LAMA1: variants seen among roughly 807,000 people sequenced by gnomAD.
The protein encoded by LAMA1 is laminin subunit alpha 1.
Under a neutral mutation model 348.7 loss-of-function variants are expected in LAMA1, and 219 were observed. The observed-to-expected ratio is 0.63, with a 90% CI of 0.56 to 0.70. LAMA1 has a LOEUF of 0.70. Ranked by LOEUF, LAMA1 falls within the 30% of genes least tolerant of loss-of-function variation. The pLI, the probability that LAMA1 is intolerant of heterozygous loss-of-function variation, is 0.00. For missense variants in LAMA1, 3,744 were observed against 3,888.0 expected (o/e 0.96, Z 0.99); for synonymous variants, 1,487 against 1,491.0 (o/e 1.00, Z 0.06).
At chr18:7,085,707 C>T (rs11081298) in intron 1 of LAMA1, among the ~76,000 whole-genome samples, 38,845 of 151,928 alleles carry the variant, frequency 0.26, 6,042 homozygotes, top group East Asian at 0.45. Flanking sequence ...CGTGAGCCAC[C>T]GCTCCTGGCC....
rs771189752 is a variant in LAMA1 at position 6,958,753 on chromosome 18, T to C, written c.7779-91A>G. On this transcript the variant is annotated intron_variant, in intron 54 of 62. Coordinates refer to ENST00000389658, the MANE Select transcript of LAMA1 (RefSeq NM_005559.4). ...GTCCATAATTCCCACAAGTTCTCAC[T>C]GAATAATAAAAGTTCCCTAAAGGTT... is the stretch of plus-strand genomic sequence containing the variant. The C allele has an allele frequency of 4.4e-6, 5 of 1,131,918 alleles. No individual in the cohort carries two copies. In the Admixed American group the frequency reaches 9.8e-5, roughly 22 times the overall value. 70.1% of individuals were successfully genotyped at this position (1,131,918 alleles called of 1,614,324 possible).
At chr18:7,008,399 A>T in intron 28 of LAMA1, 89 bp downstream of exon 28, 1 of 1,450,890 alleles carries the variant, frequency 6.9e-7, no homozygotes, top group South Asian at 1.2e-5. Context: ...TAGTAGATAC[A>T]CATAAGTTCT....
intron 29 of LAMA1, among the ~76,000 whole-genome samples, chr18:7,005,136 T>C (rs1350430603): frequency 3.9e-5 from 6 of 152,140 alleles, no homozygotes; most frequent in Admixed American, 6.6e-5. Flanking sequence ...CCTCCAGGCA[T>C]GTGAGGGTAC....
At chr18:7,112,528 A>G (rs897916349) in intron 1 of LAMA1, among the ~76,000 whole-genome samples, 2 of 152,118 alleles carry the variant, frequency 1.3e-5, no homozygotes, top group African/African-American at 4.8e-5. Context: ...AAAAAAGCCA[A>G]GTCTTAACTT....
chr18:7,060,003 GTGATTTAA>G (rs2058096558), intron 3 of LAMA1, among the ~76,000 whole-genome samples: 2 of 152,222 alleles, frequency 1.3e-5, no homozygotes, highest in African/African-American at 4.8e-5. Context: ...TAAAGAAGCA[GTGATTTAA>G]TAGGAGGCTA....
intron 33 of LAMA1, among the ~76,000 whole-genome samples, chr18:6,996,035 A>C (rs1215308309): frequency 6.6e-6 from 1 of 152,162 alleles, no homozygotes; most frequent in Non-Finnish European, 1.5e-5. Flanking sequence ...TATTTGTCTT[A>C]TTTGATATAT....
At chr18:7,062,405 G>A (rs2058105844) in intron 3 of LAMA1, among the ~76,000 whole-genome samples, 2 of 152,186 alleles carry the variant, frequency 1.3e-5, no homozygotes, top group African/African-American at 4.8e-5. Flanking sequence ...GTGCAGAGAT[G>A]GCAGGAGAGA....
chr18:7,088,704 C>T (rs1360370873), intron 1 of LAMA1, among the ~76,000 whole-genome samples: 1 of 151,892 alleles, frequency 6.6e-6, no homozygotes, highest in Admixed American at 6.6e-5. Context: ...TTATTTTTCT[C>T]GTAGAGACAG....
intron 3 of LAMA1, among the ~76,000 whole-genome samples, chr18:7,060,127 T>G (rs1426366512): frequency 6.6e-6 from 1 of 152,154 alleles, no homozygotes; most frequent in Admixed American, 6.5e-5. Flanking sequence ...TAGCAAAAAC[T>G]GAGATGCTAG....
chr18:6,985,980 G>A (rs972217973), intron 37 of LAMA1, among the ~76,000 whole-genome samples, 157 bp downstream of exon 37: 10 of 152,088 alleles, frequency 6.6e-5, no homozygotes, highest in African/African-American at 2.4e-4. Context: ...GGATGGTCTC[G>A]ATCTCTTGAC....
chr18:7,013,362 G>A (rs2057870019), intron 23 of LAMA1, among the ~76,000 whole-genome samples: 1 of 152,050 alleles, frequency 6.6e-6, no homozygotes, highest in Non-Finnish European at 1.5e-5. Flanking sequence ...AGCACATTGG[G>A]AAAACTAACG....
intron 30 of LAMA1, among the ~76,000 whole-genome samples, chr18:7,000,873 A>G (rs2057804711): frequency 6.6e-6 from 1 of 152,218 alleles, no homozygotes; most frequent in South Asian, 2.1e-4. Flanking sequence ...GAAACAAAAT[A>G]TGTAGAAAAT....
chr18:7,069,492 G>A (rs529153964), intron 3 of LAMA1, among the ~76,000 whole-genome samples: 57 of 152,226 alleles, frequency 3.7e-4, no homozygotes, highest in African/African-American at 1.3e-3. Flanking sequence ...TCCGGTTGAC[G>A]GGTGAGGCTG....
At chr18:7,021,358 C>G (rs2057914589) in intron 19 of LAMA1, among the ~76,000 whole-genome samples, 1 of 152,174 alleles carries the variant, frequency 6.6e-6, no homozygotes, top group South Asian at 2.1e-4. Flanking sequence ...AGAACCAAAT[C>G]TCTGAGTTTA....
At position 7,011,491 on chromosome 18, in the gene LAMA1, A is replaced by G. The variant is rs61695598; in HGVS notation, c.3508-12T>C. On this transcript the variant is annotated splice_polypyrimidine_tract_variant and intron_variant, in intron 24 of 62. Coordinates refer to ENST00000389658, the MANE Select transcript of LAMA1 (RefSeq NM_005559.4). ...GAGCCCAGCGTTACCTAAACCACGAAAGGAGGGGAAAGTGCACTTCAAAAT... is the reference window on the plus strand; with the variant it reads ...GAGCCCAGCGTTACCTAAACCACGAGAGGAGGGGAAAGTGCACTTCAAAAT... 114,295 of 1,592,186 alleles carry G rather than the reference A, an allele frequency of 0.072. 4,466 individuals are homozygous for G. The highest frequency in any genetic ancestry group is 0.12 in the Admixed American group (6,527 of 55,872).
At chr18:7,102,405 A>G (rs541106740) in intron 1 of LAMA1, among the ~76,000 whole-genome samples, 2 of 151,826 alleles carry the variant, frequency 1.3e-5, no homozygotes, top group African/African-American at 4.8e-5. Flanking sequence ...AAAGCCATGC[A>G]GGTAGAGTTC....
rs562620548 is a variant in LAMA1, at chr18:6,956,873, A to G, written c.7965-108T>C. The G allele has an allele frequency of 2.0e-5, 26 of 1,278,554 alleles. No homozygotes were observed. The Admixed American group carries it at 3.5e-4, about 17-fold the overall frequency. 79.2% of individuals were successfully genotyped at this position (1,278,554 alleles called of 1,614,324 possible). A position where few individuals can be genotyped will look rare whatever the true frequency, so the allele number is the denominator to read the frequency against. On this transcript the variant is annotated intron_variant, in intron 55 of 62. Transcript: ENST00000389658. Reference sequence around the variant, plus strand: ...TGAAAATCAATTAAAAACCATGTATATATTTCTCTTAGAGTAACCAAAGTG... The same window carrying G: ...TGAAAATCAATTAAAAACCATGTATGTATTTCTCTTAGAGTAACCAAAGTG...
intron 1 of LAMA1, among the ~76,000 whole-genome samples, chr18:7,101,660 A>G (rs2058291654): frequency 6.6e-6 from 1 of 152,102 alleles, no homozygotes; most frequent in Non-Finnish European, 1.5e-5. Flanking sequence ...AAGTGGATAC[A>G]CGTTTTATTT....
At chr18:7,045,465 T>C (rs1037287782) in intron 6 of LAMA1, among the ~76,000 whole-genome samples, 4 of 151,970 alleles carry the variant, frequency 2.6e-5, no homozygotes, top group African/African-American at 9.7e-5. Flanking sequence ...AGCAAAACTG[T>C]CTCTAAATAA....
Sources: allele counts gnomAD v4.1 joint callset (sites outside exome capture counted in the v4.1 genomes callset), GRCh38; gene constraint gnomAD v4.1.1; transcripts MANE v1.5; gene names NCBI Gene and HGNC (gene_info 2026-07-23, HGNC 2026-07-21).